Variants in GNAI1 observed in about 807,000 individuals in gnomAD.
The protein encoded by GNAI1 is G protein subunit alpha i1.
In GNAI1, 11 loss-of-function variants were observed where a neutral mutation model predicts 38.9. That is an observed-to-expected ratio of 0.28 (90% CI 0.18 to 0.47). GNAI1 has a LOEUF of 0.47. GNAI1 is among the 20% of genes least tolerant of loss of function. The pLI is 0.99. For missense variants in GNAI1, 317 were observed against 436.9 expected (o/e 0.73, Z 2.45); for synonymous variants, 166 against 145.1 (o/e 1.14, Z -1.04).
intron 1 of GNAI1, among the ~76,000 whole-genome samples, chr7:80,159,558 A>C (rs918801655): frequency 2.2e-4 from 33 of 152,236 alleles, no homozygotes; most frequent in Admixed American, 1.9e-3. Flanking sequence ...TACGTTGTGT[A>C]CATGATTGAA....
Position 80,200,136 on chromosome 7 carries a change from C to T in GNAI1, c.461+754C>T, listed in dbSNP as rs144242652. Among the ~76,000 whole-genome samples, 64 of 151,172 alleles carry T rather than the reference C, an allele frequency of 4.2e-4. No homozygotes were observed. In the East Asian group the frequency reaches 0.011, roughly 26 times the overall value. On this transcript the variant is annotated intron_variant, in intron 4 of 7. Transcript: ENST00000649796. ...TTTGAGACCCATCTGGGTAACTTAA[C>T]GAGACCTCCCCCCACCATCTCTACA...
chr7:80,183,205 TAAGAAA>T, intron 1 of GNAI1, among the ~76,000 whole-genome samples: 2 of 152,282 alleles, frequency 1.3e-5, no homozygotes, highest in African/African-American at 4.8e-5. Flanking sequence ...GTAAATGCTC[TAAGAAA>T]AAGGGAGGGA....
intron 1 of GNAI1, among the ~76,000 whole-genome samples, chr7:80,155,531 A>G (rs892175392): frequency 6.6e-6 from 1 of 152,164 alleles, no homozygotes; most frequent in African/African-American, 2.4e-5. Flanking sequence ...AAACTTCTGT[A>G]TGCTTACCTT....
At chr7:80,150,198 A>G (rs1425647190) in intron 1 of GNAI1, among the ~76,000 whole-genome samples, 1 of 152,184 alleles carries the variant, frequency 6.6e-6, no homozygotes, top group East Asian at 1.9e-4. Flanking sequence ...TTCCAGAGAA[A>G]GTGGTGTACA....
intron 5 of GNAI1, among the ~76,000 whole-genome samples, chr7:80,204,117 C>T (rs931423801): frequency 2.0e-5 from 3 of 151,812 alleles, no homozygotes; most frequent in Non-Finnish European, 2.9e-5. Context: ...TATTTCTAAA[C>T]AAAATTCTGC....
intron 5 of GNAI1, among the ~76,000 whole-genome samples, chr7:80,208,366 A>G (rs1278174431): frequency 2.0e-5 from 3 of 152,216 alleles, no homozygotes; most frequent in Non-Finnish European, 1.5e-5. Context: ...TTTAGCTACC[A>G]TTATATGGAA....
intron 5 of GNAI1, among the ~76,000 whole-genome samples, chr7:80,205,984 GA>G: frequency 6.6e-6 from 1 of 151,678 alleles, no homozygotes; most frequent in South Asian, 2.1e-4. Context: ...AATCATCTTG[GA>G]AAAAAAGGTT....
chr7:80,179,441 C>G (rs1314902707), intron 1 of GNAI1, among the ~76,000 whole-genome samples: 1 of 152,106 alleles, frequency 6.6e-6, no homozygotes, highest in Non-Finnish European at 1.5e-5. Flanking sequence ...CTACGTATTT[C>G]TTTGGCTTAT....
At chr7:80,168,017 A>G (rs966359943) in intron 1 of GNAI1, among the ~76,000 whole-genome samples, 2 of 152,234 alleles carry the variant, frequency 1.3e-5, no homozygotes, top group Non-Finnish European at 1.5e-5. Flanking sequence ...TCACAGTAGT[A>G]TACCCAACCA....
Position 80,225,576 on chromosome 7 carries a change from T to G in GNAI1, c.*8083T>G, listed in dbSNP as rs566043107. Among the ~76,000 whole-genome samples the G allele has an allele frequency of 5.5e-4, 84 of 152,294 alleles. No homozygotes were observed. The highest frequency in any genetic ancestry group is 6.2e-4 in the South Asian group (3 of 4,824). ...GCATTAAAAAAGCTTCTGAACTTAT[T>G]TTGGAAAGAGTAGCTCCCTGGAGTG... is the stretch of plus-strand genomic sequence containing the variant. On this transcript the variant is annotated 3_prime_UTR_variant, in exon 8 of 8. Coordinates refer to ENST00000649796, the MANE Select transcript of GNAI1 (RefSeq NM_002069.6).
At chr7:80,176,052 T>C (rs1788177311) in intron 1 of GNAI1, among the ~76,000 whole-genome samples, 1 of 152,232 alleles carries the variant, frequency 6.6e-6, no homozygotes, top group African/African-American at 2.4e-5. Flanking sequence ...TGAATGCTAG[T>C]CCTCTTGCAC....
At chr7:80,173,284 T>C (rs1454219090) in intron 1 of GNAI1, among the ~76,000 whole-genome samples, 1 of 152,202 alleles carries the variant, frequency 6.6e-6, no homozygotes, top group East Asian at 1.9e-4. Flanking sequence ...CTTGTCTAAA[T>C]ATACTTTTAA....
At chr7:80,216,726 C>G (rs898382335) in intron 7 of GNAI1, among the ~76,000 whole-genome samples, 1 of 152,086 alleles carries the variant, frequency 6.6e-6, no homozygotes, top group African/African-American at 2.4e-5. Flanking sequence ...TGTTTGTACT[C>G]AGAGGAAGTC....
chr7:80,167,602 G>A (rs1465218645), intron 1 of GNAI1, among the ~76,000 whole-genome samples: 1 of 152,126 alleles, frequency 6.6e-6, no homozygotes, highest in Non-Finnish European at 1.5e-5. Context: ...AGAAATAAAA[G>A]TAATTTATCC....
At chr7:80,145,054 C>A (rs549364300) in intron 1 of GNAI1, among the ~76,000 whole-genome samples, 1 of 152,300 alleles carries the variant, frequency 6.6e-6, no homozygotes, top group East Asian at 1.9e-4. Flanking sequence ...GCACCTTTTT[C>A]CATCCACCTG....
chr7:80,151,924 A>C (rs1406231057), intron 1 of GNAI1, among the ~76,000 whole-genome samples: 2 of 152,226 alleles, frequency 1.3e-5, no homozygotes, highest in Admixed American at 1.3e-4. Context: ...CTGAATTTCA[A>C]GTTCAGAGCT....
intron 1 of GNAI1, among the ~76,000 whole-genome samples, chr7:80,185,232 A>G (rs1788367653): frequency 6.6e-6 from 1 of 151,236 alleles, no homozygotes; most frequent in South Asian, 2.1e-4. Context: ...GCTATAATTA[A>G]GCATTATTCA....
intron 3 of GNAI1, among the ~76,000 whole-genome samples, chr7:80,190,761 T>C (rs1788466546): frequency 6.6e-6 from 1 of 152,180 alleles, no homozygotes; most frequent in South Asian, 2.1e-4. Context: ...GGATCTTTTA[T>C]GTGCTTACGA....
intron 1 of GNAI1, among the ~76,000 whole-genome samples, chr7:80,186,081 G>T (rs1584035484): frequency 7.2e-6 from 1 of 138,798 alleles, no homozygotes; most frequent in African/African-American, 2.7e-5. Context: ...TGCCCAGGCT[G>T]GAGTGCAGCG....
Sources: allele counts gnomAD v4.1 joint callset (sites outside exome capture counted in the v4.1 genomes callset), GRCh38; gene constraint gnomAD v4.1.1; transcripts MANE v1.5; gene names NCBI Gene and HGNC (gene_info 2026-07-23, HGNC 2026-07-21).